The following IL1RAPL1 variants were observed in gnomAD, a reference collection of about 807,000 sequenced individuals.
IL1RAPL1 encodes interleukin 1 receptor accessory protein like 1, also known as interleukin-1 receptor accessory protein-like 1.
In IL1RAPL1, 3 loss-of-function variants were observed where a neutral mutation model predicts 48.4. The observed-to-expected ratio is 0.06, with a 90% CI of 0.03 to 0.16. IL1RAPL1 has a LOEUF of 0.16. IL1RAPL1 is among the 10% of genes least tolerant of loss of function. The pLI is 1.00. For synonymous variants in IL1RAPL1, 185 were observed against 187.7 expected, an observed-to-expected ratio of 0.99 and a Z score of 0.12; for missense variants, 349 against 530.6, an observed-to-expected ratio of 0.66 and a Z score of 3.36.
intron 2 of IL1RAPL1, among the ~76,000 whole-genome samples, chrX:28,843,320 G>A (rs778959031): frequency 1.8e-5 from 2 of 109,256 alleles, no homozygotes; most frequent in African/African-American, 3.3e-5. Context: ...TAAAGGGCTT[G>A]GCTTAATTTC....
intron 3 of IL1RAPL1, among the ~76,000 whole-genome samples, chrX:29,367,741 A>G (rs1367545776): frequency 9.2e-6 from 1 of 108,305 alleles, no homozygotes. Flanking sequence ...CCACCACGCC[A>G]GGCAAATTTT....
intron 1 of IL1RAPL1, among the ~76,000 whole-genome samples, chrX:28,646,736 G>A (rs1020589564): frequency 5.3e-5 from 6 of 112,324 alleles, no homozygotes; most frequent in African/African-American, 1.9e-4. Flanking sequence ...GCACTTCTTA[G>A]TAGCAATTTC....
Position 28,700,986 on chromosome X carries a change from C to T in IL1RAPL1, c.-24-88334C>T, listed in dbSNP as rs182551358. 5.4e-5 allele frequency among the ~76,000 whole-genome samples: 6 copies of T among 111,732 alleles called. No homozygotes were observed. The East Asian group carries it at 1.7e-3, about 32-fold the overall frequency. ...CATTAGGGTTGGTTCCAAGTCTTTG[C>T]TATTGTGAGTGGTGCTGAAATAAAC... On this transcript the variant is annotated intron_variant, in intron 1 of 10. Coordinates refer to ENST00000378993, the MANE Select transcript of IL1RAPL1 (RefSeq NM_014271.4).
At chrX:29,144,409 C>G (rs1174033767) in intron 2 of IL1RAPL1, among the ~76,000 whole-genome samples, 1 of 107,859 alleles carries the variant, frequency 9.3e-6, no homozygotes, top group Non-Finnish European at 1.9e-5. Flanking sequence ...TCGAGACCAA[C>G]CTGGCCGACA....
In IL1RAPL1 at chrX:28,953,424, G is replaced by T. The variant is rs189548280; in HGVS notation, c.82+163999G>T. On this transcript the variant is annotated intron_variant, in intron 2 of 10. Coordinates refer to ENST00000378993, the MANE Select transcript of IL1RAPL1 (RefSeq NM_014271.4). ...CATTTGGAATAGGATCACTTCTCCA[G>T]AGTAGTAGATATTTCGGAATTTACA... 3.7e-3 allele frequency among the ~76,000 whole-genome samples: 413 copies of T among 111,624 alleles called. 3 individuals carry two copies. The highest frequency in any genetic ancestry group is 5.3e-3 in the Non-Finnish European group (278 of 52,931).
At chrX:29,908,590 A>G (rs1453865309) in intron 6 of IL1RAPL1, among the ~76,000 whole-genome samples, 2 of 110,842 alleles carry the variant, frequency 1.8e-5, no homozygotes, top group East Asian at 2.8e-4. Context: ...GATCTATAGG[A>G]TAGTGAGTCT....
At chrX:29,098,425 A>G (rs1928262262) in intron 2 of IL1RAPL1, among the ~76,000 whole-genome samples, 1 of 112,360 alleles carries the variant, frequency 8.9e-6, no homozygotes, top group Non-Finnish European at 1.9e-5. Context: ...TCATCATTTT[A>G]CAATTATTAT....
At chrX:29,260,685 G>A (rs1931839559) in intron 2 of IL1RAPL1, among the ~76,000 whole-genome samples, 1 of 111,286 alleles carries the variant, frequency 9.0e-6, no homozygotes, top group Non-Finnish European at 1.9e-5. Context: ...AAAAGTGAGT[G>A]TGCTGCAAGA....
intron 3 of IL1RAPL1, among the ~76,000 whole-genome samples, chrX:29,287,221 G>C (rs923060562): frequency 1.8e-5 from 2 of 111,509 alleles, no homozygotes; most frequent in African/African-American, 6.5e-5. Context: ...TTTTCACTCA[G>C]CATAATTCCT....
chrX:29,479,431 A>AAAAAAAAAAAAAAAAAT (rs1384814024), intron 5 of IL1RAPL1, among the ~76,000 whole-genome samples: 5 of 105,895 alleles, frequency 4.7e-5, no homozygotes, highest in African/African-American at 1.7e-4. Context: ...AAAAAAAAAA[A>AAAAAAAAAAAAAAAAAT]TTAGCATTGT....
At chrX:29,118,067 CA>C (rs931507014) in intron 2 of IL1RAPL1, among the ~76,000 whole-genome samples, 1 of 111,925 alleles carries the variant, frequency 8.9e-6, no homozygotes, top group Non-Finnish European at 1.9e-5. Context: ...TTCGGTTTTT[CA>C]AATTTTAATC....
intron 6 of IL1RAPL1, among the ~76,000 whole-genome samples, chrX:29,830,545 G>C (rs1187759971): frequency 9.2e-6 from 1 of 108,194 alleles, no homozygotes; most frequent in Non-Finnish European, 1.9e-5. Flanking sequence ...CGCCTCCTGG[G>C]TTCAAGCGAT....
intron 2 of IL1RAPL1, among the ~76,000 whole-genome samples, chrX:28,954,952 A>G (rs1601975708): frequency 8.9e-6 from 1 of 111,970 alleles, no homozygotes; most frequent in Non-Finnish European, 1.9e-5. Context: ...GTGAAACTGT[A>G]TCATGTCATT....
chrX:29,154,008 C>T (rs182582957), intron 2 of IL1RAPL1, among the ~76,000 whole-genome samples: 1,262 of 112,054 alleles, frequency 0.011, 16 homozygotes, highest in African/African-American at 0.038. Context: ...GAAGTGGCTG[C>T]TATCAACAGA....
chrX:29,230,504 C>CAAAAAAAAA (rs60539139), intron 2 of IL1RAPL1, among the ~76,000 whole-genome samples: 200 of 16,576 alleles, frequency 0.012, 41 homozygotes, highest in African/African-American at 0.029. Flanking sequence ...GTCCCTTTAC[C>CAAAAAAAAA]AAAAAAAAAA....
chrX:29,200,565 C>T (rs1036026221), intron 2 of IL1RAPL1, among the ~76,000 whole-genome samples: 11 of 111,079 alleles, frequency 9.9e-5, no homozygotes, highest in African/African-American at 2.6e-4. Flanking sequence ...CACAGTGGAA[C>T]GTTTGCAGGT....
chrX:28,844,341 C>G (rs191151444), intron 2 of IL1RAPL1, among the ~76,000 whole-genome samples: 18 of 107,808 alleles, frequency 1.7e-4, no homozygotes, highest in Admixed American at 3.0e-4. Flanking sequence ...TTGACAAATA[C>G]AATGTGGTAA....
At chrX:29,160,059 C>T (rs1929650563) in intron 2 of IL1RAPL1, among the ~76,000 whole-genome samples, 1 of 112,078 alleles carries the variant, frequency 8.9e-6, no homozygotes, top group Non-Finnish European at 1.9e-5. Flanking sequence ...CACAATATTG[C>T]TCTTGGGACT....
At chrX:28,990,834 T>A (rs1925586519) in intron 2 of IL1RAPL1, among the ~76,000 whole-genome samples, 2 of 111,788 alleles carry the variant, frequency 1.8e-5, no homozygotes, top group African/African-American at 6.5e-5. Context: ...TATAAACTCT[T>A]CGGAGGCCTT....
Sources: allele counts gnomAD v4.1 joint callset (sites outside exome capture counted in the v4.1 genomes callset), GRCh38; gene constraint gnomAD v4.1.1; transcripts MANE v1.5; gene names NCBI Gene and HGNC (gene_info 2026-07-23, HGNC 2026-07-21).